Variants in ERBB4 observed in about 807,000 individuals in gnomAD.
ERBB4 encodes erb-b2 receptor tyrosine kinase 4.
Under a neutral mutation model 158.0 loss-of-function variants are expected in ERBB4, and 42 were observed. The observed-to-expected ratio is 0.27, with a 90% CI of 0.21 to 0.34. ERBB4 has a LOEUF of 0.34. Ranked by LOEUF, ERBB4 falls within the 10% of genes least tolerant of loss-of-function variation. ERBB4 has a pLI of 1.00. For missense variants in ERBB4, 1,333 were observed against 1,624.1 expected, an observed-to-expected ratio of 0.82 and a Z score of 3.08; for synonymous variants, 583 against 558.7, an observed-to-expected ratio of 1.04 and a Z score of -0.61.
intron 1 of ERBB4, among the ~76,000 whole-genome samples, chr2:212,219,021 C>T (rs2083197801): frequency 6.6e-6 from 1 of 150,564 alleles, no homozygotes; most frequent in South Asian, 2.1e-4. Flanking sequence ...GATTCCATTC[C>T]TTTTTATGAT....
chr2:212,269,934 G>A (rs919265462), intron 1 of ERBB4, among the ~76,000 whole-genome samples: 16 of 151,666 alleles, frequency 1.1e-4, no homozygotes, highest in Non-Finnish European at 4.4e-5. Context: ...CAATATTTCT[G>A]CCTGCTTCCT....
At chr2:211,890,162 C>T (rs1267444313) in intron 3 of ERBB4, among the ~76,000 whole-genome samples, 105 of 80,168 alleles carry the variant, frequency 1.3e-3, no homozygotes, top group African/African-American at 5.2e-3. Flanking sequence ...AGAGAAAGGT[C>T]GGGTTACCCT....
intron 20 of ERBB4, among the ~76,000 whole-genome samples, chr2:211,466,413 T>G (rs1014989888): frequency 1.3e-5 from 2 of 151,512 alleles, no homozygotes; most frequent in African/African-American, 2.4e-5. Flanking sequence ...CTTTTCCAAA[T>G]TTGTAGTTAA....
chr2:212,538,368 G>A (rs987958229), intron 1 of ERBB4, 81 bp downstream of exon 1: 20 of 1,258,696 alleles, frequency 1.6e-5, no homozygotes, highest in Non-Finnish European at 2.1e-5. Context: ...CCCGGGATGG[G>A]TGAAGAGGGC....
intron 1 of ERBB4, among the ~76,000 whole-genome samples, chr2:212,521,126 C>T (rs1692137316): frequency 1.3e-5 from 2 of 151,710 alleles, no homozygotes; most frequent in Admixed American, 1.3e-4. Context: ...AGTTTAAATG[C>T]CTATAAAATG....
chr2:211,550,731 TAC>T (rs944837813), intron 20 of ERBB4, among the ~76,000 whole-genome samples: 9 of 132,322 alleles, frequency 6.8e-5, no homozygotes, highest in Admixed American at 3.6e-4. Flanking sequence ...TATATATATA[TAC>T]ACACACACAC....
intron 2 of ERBB4, among the ~76,000 whole-genome samples, chr2:212,075,909 G>C (rs891961484): frequency 6.6e-6 from 1 of 151,724 alleles, no homozygotes; most frequent in South Asian, 2.1e-4. Context: ...TTCTTCTATT[G>C]CTACATTTAT....
At chr2:212,360,809 TG>T (rs1457377295) in intron 1 of ERBB4, among the ~76,000 whole-genome samples, 1 of 151,704 alleles carries the variant, frequency 6.6e-6, no homozygotes, top group Non-Finnish European at 1.5e-5. Context: ...TTTTTTTCCT[TG>T]ATGAAAAATT....
chr2:211,406,932 T>G (rs1179611943), intron 25 of ERBB4, among the ~76,000 whole-genome samples: 1 of 151,830 alleles, frequency 6.6e-6, no homozygotes, highest in African/African-American at 2.4e-5. Context: ...AATAAAAAAT[T>G]AGCTGGGTTT....
chr2:212,192,047 T>A (rs925848660), intron 1 of ERBB4, among the ~76,000 whole-genome samples: 30 of 87,456 alleles, frequency 3.4e-4, no homozygotes, highest in Middle Eastern at 5.8e-3. Context: ...GTTATATATA[T>A]GTTATATGTT....
intron 16 of ERBB4, among the ~76,000 whole-genome samples, chr2:211,631,070 G>C (rs2070105041): frequency 6.6e-6 from 1 of 152,154 alleles, no homozygotes; most frequent in Non-Finnish European, 1.5e-5. Flanking sequence ...ATACCAGTTT[G>C]TTGTCGCGAA....
chr2:212,142,861 G>T (rs935214685), intron 1 of ERBB4, among the ~76,000 whole-genome samples: 1 of 151,572 alleles, frequency 6.6e-6, no homozygotes, highest in Non-Finnish European at 1.5e-5. Context: ...GTAAAACTTG[G>T]CAGGGTGCTT....
At chr2:212,084,562 C>T (rs1365180448) in intron 2 of ERBB4, among the ~76,000 whole-genome samples, 1 of 151,950 alleles carries the variant, frequency 6.6e-6, no homozygotes, top group Non-Finnish European at 1.5e-5. Flanking sequence ...AGAACCAACT[C>T]TTGATTACCC....
At chr2:212,496,630 A>G (rs1690589291) in intron 1 of ERBB4, among the ~76,000 whole-genome samples, 1 of 152,174 alleles carries the variant, frequency 6.6e-6, no homozygotes, top group African/African-American at 2.4e-5. Flanking sequence ...CATTCACGAT[A>G]CATTATTTGA....
chr2:211,810,711 G>A (rs1293038650), intron 3 of ERBB4, among the ~76,000 whole-genome samples: 3 of 144,676 alleles, frequency 2.1e-5, no homozygotes, highest in Non-Finnish European at 4.5e-5. Flanking sequence ...TGTCGCCCAG[G>A]TGGGACTGCG....
At chr2:211,823,450 T>G (rs1439245) in intron 3 of ERBB4, among the ~76,000 whole-genome samples, 17,203 of 151,844 alleles carry the variant, frequency 0.11, 1,225 homozygotes, top group Non-Finnish European at 0.15. Flanking sequence ...AAATATTCAT[T>G]TTATATGTAT....
chr2:212,482,164 G>C (rs1437790802), intron 1 of ERBB4, among the ~76,000 whole-genome samples: 2 of 152,204 alleles, frequency 1.3e-5, no homozygotes, highest in African/African-American at 4.8e-5. Flanking sequence ...TGGTAAATAA[G>C]ATGTGCTTCA....
chr2:212,067,041 G>C (rs904462956), intron 2 of ERBB4, among the ~76,000 whole-genome samples: 1 of 151,870 alleles, frequency 6.6e-6, no homozygotes, highest in African/African-American at 2.4e-5. Context: ...TTCTTTCATT[G>C]TTTTGTTTTG....
At chr2:211,420,700 A>G (rs2063496200) in intron 24 of ERBB4, 89 bp from the exon 25 acceptor site, 1 of 1,174,922 alleles carries the variant, frequency 8.5e-7, no homozygotes, top group Non-Finnish European at 1.2e-6. Context: ...TAATATCATA[A>G]CAAATGGTTG....
Sources: allele counts gnomAD v4.1 joint callset (sites outside exome capture counted in the v4.1 genomes callset), GRCh38; gene constraint gnomAD v4.1.1; transcripts MANE v1.5; gene names NCBI Gene and HGNC (gene_info 2026-07-23, HGNC 2026-07-21).